FOXN3: variants seen among roughly 807,000 people sequenced by gnomAD.
FOXN3 encodes forkhead box N3.
Under a neutral mutation model 38.4 loss-of-function variants are expected in FOXN3, and 7 were observed. That is an observed-to-expected ratio of 0.18 (90% CI 0.10 to 0.34). The LOEUF (loss-of-function observed/expected upper bound fraction) is 0.34. Among genes scored for constraint, FOXN3 ranks in the 10% least tolerant of loss-of-function variants. FOXN3 has a pLI of 1.00. For missense variants in FOXN3, 456 were observed against 613.4 expected (o/e 0.74, Z 2.71); for synonymous variants, 230 against 242.2 (o/e 0.95, Z 0.47).
At chr14:89,444,316 T>A (rs1039499630) in intron 1 of FOXN3, among the ~76,000 whole-genome samples, 2 of 150,172 alleles carry the variant, frequency 1.3e-5, no homozygotes, top group African/African-American at 4.9e-5. Context: ...AATTCTTTAT[T>A]TTAACTTATA....
At chr14:89,221,863 C>T (rs574587268) in intron 4 of FOXN3, among the ~76,000 whole-genome samples, 1 of 150,738 alleles carries the variant, frequency 6.6e-6, no homozygotes, top group Non-Finnish European at 1.5e-5. Context: ...TGCTCTGTTG[C>T]CCAGGCTGGA....
intron 3 of FOXN3, among the ~76,000 whole-genome samples, chr14:89,341,491 T>G (rs1359389304): frequency 6.6e-6 from 1 of 152,230 alleles, no homozygotes; most frequent in Non-Finnish European, 1.5e-5. Flanking sequence ...CTTTTATGAA[T>G]GATGGGTTCC....
At chr14:89,470,869 G>C (rs1055894431) in intron 1 of FOXN3, among the ~76,000 whole-genome samples, 1 of 152,168 alleles carries the variant, frequency 6.6e-6, no homozygotes, top group Non-Finnish European at 1.5e-5. Context: ...ACCTTCATGA[G>C]GGGGAGGAAC....
chr14:89,421,221 C>T (rs1176034238), upstream of FOXN3, among the ~76,000 whole-genome samples: 1 of 148,496 alleles, frequency 6.7e-6, no homozygotes, highest in Non-Finnish European at 1.5e-5. Context: ...ACAATCTCGG[C>T]TCACTGCAAC....
intron 3 of FOXN3, among the ~76,000 whole-genome samples, chr14:89,297,802 A>G (rs758893324): frequency 1.8e-4 from 28 of 151,774 alleles, no homozygotes; most frequent in Non-Finnish European, 2.9e-4. Flanking sequence ...ACATAGCAAG[A>G]CCCTGATTCT....
At chr14:89,227,668 T>G (rs191148947) in intron 4 of FOXN3, among the ~76,000 whole-genome samples, 56 of 152,258 alleles carry the variant, frequency 3.7e-4, no homozygotes, top group African/African-American at 1.2e-3. Context: ...GTAACTGCCT[T>G]CTGGTAATAA....
chr14:89,373,733 T>C (rs1031248870), intron 2 of FOXN3, among the ~76,000 whole-genome samples: 3 of 152,166 alleles, frequency 2.0e-5, no homozygotes, highest in East Asian at 1.9e-4. Context: ...ACACCTTTAA[T>C]AGTAGGATTG....
chr14:89,493,993 T>G (rs1205257866), intron 1 of FOXN3: 2 of 152,204 alleles, frequency 1.3e-5, no homozygotes, highest in South Asian at 2.1e-4. Context: ...ATTGTTTGAC[T>G]GGAATCTTGC....
chr14:89,195,446 C>T (rs1888072994), intron 4 of FOXN3, among the ~76,000 whole-genome samples: 1 of 152,246 alleles, frequency 6.6e-6, no homozygotes, highest in African/African-American at 2.4e-5. Flanking sequence ...CTTTCTGATG[C>T]AGGCACGCTA....
At chr14:89,367,699 C>A (rs1259831962) in intron 2 of FOXN3, among the ~76,000 whole-genome samples, 1 of 152,092 alleles carries the variant, frequency 6.6e-6, no homozygotes. Flanking sequence ...ATTAAACAAA[C>A]AGAATCTACC....
At chr14:89,215,915 T>G (rs1884265924) in intron 4 of FOXN3, among the ~76,000 whole-genome samples, 1 of 152,188 alleles carries the variant, frequency 6.6e-6, no homozygotes, top group Non-Finnish European at 1.5e-5. Context: ...CATCTCACCT[T>G]AAAGACAAGC....
intron 2 of FOXN3, among the ~76,000 whole-genome samples, chr14:89,390,417 T>C (rs962539919): frequency 3.5e-5 from 5 of 143,182 alleles, no homozygotes; most frequent in African/African-American, 1.3e-4. Context: ...AAGAAAATGA[T>C]AAAGCAGTGA....
At chr14:89,460,866 C>A (rs1432961857) in intron 1 of FOXN3, among the ~76,000 whole-genome samples, 2 of 151,318 alleles carry the variant, frequency 1.3e-5, no homozygotes, top group African/African-American at 4.9e-5. Context: ...CCCACCTCTA[C>A]TAAAATACAA....
chr14:89,370,062 C>A (rs961085813), intron 2 of FOXN3, among the ~76,000 whole-genome samples: 7 of 120,728 alleles, frequency 5.8e-5, no homozygotes, highest in African/African-American at 2.3e-4. Context: ...AAAATGCTTT[C>A]TAATACTGTG....
At chr14:89,313,519 C>T (rs547123052) in intron 3 of FOXN3, among the ~76,000 whole-genome samples, 20 of 151,564 alleles carry the variant, frequency 1.3e-4, no homozygotes, top group African/African-American at 4.9e-4. Context: ...GATCATGGCA[C>T]TGCATCCAGC....
intron 4 of FOXN3, 77 bp downstream of exon 4, chr14:89,280,873 G>T: frequency 1.5e-6 from 2 of 1,299,852 alleles, no homozygotes; most frequent in Non-Finnish European, 2.2e-6. Context: ...TGTCCTATTT[G>T]ACACCAAGCA....
intron 1 of FOXN3, among the ~76,000 whole-genome samples, chr14:89,508,832 C>T (rs1894000751): frequency 6.6e-6 from 1 of 152,154 alleles, no homozygotes; most frequent in Non-Finnish European, 1.5e-5. Context: ...GGCCCTGGGA[C>T]CATGCACTGA....
intron 1 of FOXN3, among the ~76,000 whole-genome samples, chr14:89,513,166 A>AG (rs1484946332): frequency 1.0e-4 from 15 of 150,718 alleles, no homozygotes; most frequent in South Asian, 4.2e-4. Context: ...AAAAAAAAAA[A>AG]AAAGAAAAAG....
chr14:89,204,979 G>T (rs1474831166), intron 4 of FOXN3, among the ~76,000 whole-genome samples: 2 of 142,068 alleles, frequency 1.4e-5, no homozygotes, highest in Non-Finnish European at 2.9e-5. Context: ...GGAAATAAAA[G>T]AATTATAGTG....
Sources: allele counts gnomAD v4.1 joint callset (sites outside exome capture counted in the v4.1 genomes callset), GRCh38; gene constraint gnomAD v4.1.1; transcripts MANE v1.5; gene names NCBI Gene and HGNC (gene_info 2026-07-23, HGNC 2026-07-21).